The following KIF1A variants were observed in gnomAD, a reference collection of about 807,000 sequenced individuals.
KIF1A encodes the protein kinesin family member 1A, also known as kinesin-like protein KIF1A.
A neutral mutation model predicts 227.3 loss-of-function variants in KIF1A; 46 were observed. The observed-to-expected ratio is 0.20, with a 90% CI of 0.16 to 0.26. The LOEUF is 0.26. Ranked by LOEUF, KIF1A falls within the 10% of genes least tolerant of loss-of-function variation. KIF1A has a pLI of 1.00. For missense variants in KIF1A, 1,683 were observed against 2,485.9 expected (o/e 0.68, Z 6.87); for synonymous variants, 1,022 against 1,012.8 (o/e 1.01, Z -0.17).
intron 10 of KIF1A, among the ~76,000 whole-genome samples, chr2:240,779,758 T>G (rs1379057038): frequency 1.3e-5 from 2 of 151,790 alleles, no homozygotes; most frequent in Admixed American, 6.5e-5. Flanking sequence ...TTCCTCATAG[T>G]TCCCCACAGT....
intron 1 of KIF1A, among the ~76,000 whole-genome samples, chr2:240,807,242 T>C (rs1322900554): frequency 6.6e-6 from 1 of 151,278 alleles, no homozygotes; most frequent in Non-Finnish European, 1.5e-5. Context: ...GCCTCCCGGG[T>C]TCAAGCGATT....
At chr2:240,747,024 T>C (rs775240503) in intron 29 of KIF1A, among the ~76,000 whole-genome samples, 16 of 152,000 alleles carry the variant, frequency 1.1e-4, no homozygotes, top group Non-Finnish European at 1.6e-4. Flanking sequence ...TGGTGGGAGA[T>C]GGGCGGATCC....
At chr2:240,808,123 A>G (rs967582092) in intron 1 of KIF1A, among the ~76,000 whole-genome samples, 9 of 152,230 alleles carry the variant, frequency 5.9e-5, no homozygotes, top group Non-Finnish European at 1.3e-4. Context: ...ACTTCTATTT[A>G]ACATTGTAGG....
chr2:240,811,984 G>C (rs142489347), intron 1 of KIF1A, among the ~76,000 whole-genome samples: 3 of 152,104 alleles, frequency 2.0e-5, no homozygotes. Context: ...ATGGCCAGCC[G>C]GCTGTGATGA....
chr2:240,780,810 A>ACACACACACACACACACACAGCTC (rs2053619699), intron 10 of KIF1A, among the ~76,000 whole-genome samples: 1 of 90,230 alleles, frequency 1.1e-5, no homozygotes, highest in Admixed American at 1.0e-4. Flanking sequence ...ACACACACAC[A>ACACACACACACACACACACAGCTC]CACACACACA....
At chr2:240,780,249 A>G (rs1275303487) in intron 10 of KIF1A, among the ~76,000 whole-genome samples, 3 of 151,680 alleles carry the variant, frequency 2.0e-5, no homozygotes, top group Non-Finnish European at 4.4e-5. Context: ...GAGCAGCTGC[A>G]TGGCTCCTCG....
chr2:240,760,408 C>A (rs1017490573), intron 25 of KIF1A, among the ~76,000 whole-genome samples: 8 of 152,270 alleles, frequency 5.3e-5, no homozygotes, highest in Admixed American at 1.3e-4. Flanking sequence ...GCATTCCCCT[C>A]ATCTGTCCTT....
In KIF1A at chr2:240,803,243, G is replaced by T. The variant is rs2057119301; in HGVS notation, c.-60-5431C>A. Among the ~76,000 whole-genome samples, 4 of 152,254 alleles carry T rather than the reference G, an allele frequency of 2.6e-5. No individual in the cohort carries two copies. In the South Asian group the frequency reaches 8.3e-4, roughly 31 times the overall value. On this transcript the variant is annotated intron_variant, in intron 1 of 48. Coordinates refer to ENST00000498729, the MANE Select transcript of KIF1A (RefSeq NM_001244008.2). ...TCAAAGCTGTGGCAAAGGTCCTGCG[G>T]AAGGTAGCTAAAGCCGGACTGACGA...
At chr2:240,729,595 G>A (rs564658200) in intron 38 of KIF1A, among the ~76,000 whole-genome samples, 64 of 152,210 alleles carry the variant, frequency 4.2e-4, no homozygotes, top group Admixed American at 1.0e-3. Context: ...AGTGGACTCT[G>A]CTGGAGCCAG....
chr2:240,794,189 C>A (rs2056093343), intron 2 of KIF1A, among the ~76,000 whole-genome samples: 1 of 152,232 alleles, frequency 6.6e-6, no homozygotes, highest in Admixed American at 6.5e-5. Context: ...CTGCGCCAGG[C>A]CTAGGGGACA....
Position 240,788,678 on chromosome 2 carries a change from G to A in KIF1A, c.184-448C>T, listed in dbSNP as rs781478281. Among the ~76,000 whole-genome samples, 44 of 152,242 alleles carry A rather than the reference G, an allele frequency of 2.9e-4. No individual in the cohort carries two copies. The highest frequency in any genetic ancestry group is 2.0e-3 in the Admixed American group (31 of 15,304). On this transcript the variant is annotated intron_variant, in intron 3 of 48. Coordinates refer to ENST00000498729, the MANE Select transcript of KIF1A (RefSeq NM_001244008.2). This position sits in a 1 kb window ranked among gnomAD's most constrained non-coding sequence, Gnocchi z 6.6. ...GCAGGGGGACAGGGTGATTAGCTGG[G>A]GGTCATCCTGGAAGGAGGAAGGACT...
intron 27 of KIF1A, among the ~76,000 whole-genome samples, chr2:240,755,514 C>T (rs1036838837): frequency 5.9e-5 from 9 of 152,166 alleles, no homozygotes; most frequent in African/African-American, 2.2e-4. Flanking sequence ...GGAAAATCAA[C>T]GAGGGGCCTT....
At chr2:240,779,400 T>C (rs2053265463) in intron 10 of KIF1A, among the ~76,000 whole-genome samples, 1 of 144,538 alleles carries the variant, frequency 6.9e-6, no homozygotes, top group Admixed American at 6.8e-5. Flanking sequence ...CCACACTCAG[T>C]TCCTCATCGT....
intron 2 of KIF1A, among the ~76,000 whole-genome samples, chr2:240,794,477 C>T (rs945075343): frequency 6.6e-6 from 1 of 152,186 alleles, no homozygotes; most frequent in Non-Finnish European, 1.5e-5. Flanking sequence ...CTGACCTTTG[C>T]CCCCTTCCCC....
At position 240,792,586 on chromosome 2, in the gene KIF1A, A is replaced by G. The variant is rs575602611; in HGVS notation, c.107-3274T>C. ...GGGGGACGGGAAAGGAATGGAATAC[A>G]GCCGTTTTCTCAGAGTCTCAGCTTT... On this transcript the variant is annotated intron_variant, in intron 2 of 48. Coordinates refer to ENST00000498729, the MANE Select transcript of KIF1A (RefSeq NM_001244008.2). This position sits in a 1 kb window ranked among gnomAD's most constrained non-coding sequence, Gnocchi z 4.5. Among the ~76,000 whole-genome samples, 2 of 152,182 alleles carry G rather than the reference A, an allele frequency of 1.3e-5. No individual in the cohort carries two copies. Among genetic ancestry groups the G allele is most frequent in the South Asian group, 4.1e-4 (2 of 4,820 alleles).
At chr2:240,746,291 C>A (rs1416322299) in intron 29 of KIF1A, 114 bp from the exon 30 acceptor site, 3 of 1,265,788 alleles carry the variant, frequency 2.4e-6, no homozygotes, top group African/African-American at 1.5e-5. Context: ...TGGGCTGGGG[C>A]CTCCATGAAC....
chr2:240,760,815 T>C lies in KIF1A; in HGVS notation c.2294A>G (p.Asp765Gly), dbSNP rs2125890668. The stretch of plus-strand genomic sequence containing the variant: ...GGGTGGCAGAGGGGAGTAGAGTGTG[T>C]CCGTCAGGAGGACAAACTGGAATTG... ...KVQFQFVLLT[D>G]TLYSPLPPDL... Residue 765 changes from aspartate (D) to glycine (G), a missense_variant, in exon 25 of 49, where the codon GAC (aspartate) becomes GGC (glycine). Asp to Gly is a moderately conservative substitution (Grantham distance 94). This residue lies in a region of KIF1A where 217 missense variants were observed against 427.0 expected (regional missense o/e 0.51). Transcript: ENST00000498729. 4 of 1,608,116 alleles carry C rather than the reference T, an allele frequency of 2.5e-6. No individual in the cohort carries two copies. Among genetic ancestry groups the C allele is most frequent in the Non-Finnish European group, 3.4e-6 (4 of 1,177,896 alleles).
intron 23 of KIF1A, 94 bp downstream of exon 23, chr2:240,762,625 G>A (rs2050668802): frequency 1.2e-5 from 17 of 1,396,318 alleles, no homozygotes; most frequent in Non-Finnish European, 1.6e-5. Context: ...GGGCAAAAGT[G>A]CTGACCAGTG....
In KIF1A at chr2:240,745,469, G is replaced by A. The variant is rs372325418; in HGVS notation, c.3423C>T (p.Asn1141=). 3.1e-6 allele frequency: 5 copies of A among 1,613,766 alleles called. No individual in the cohort carries two copies. The highest frequency in any genetic ancestry group is 1.1e-5 in the South Asian group (1 of 91,062). Residue 1141 remains asparagine (N), a synonymous_variant, in exon 32 of 49, where the codon AAC becomes AAT. Transcript: ENST00000498729. ...AGCCAAGTGGGGGGCCTCTGCCTGT[G>A]TTCTTCAGGGGCTCTGTGGAGAAGG... The part of the protein sequence containing the change: ...DEAFSTEPLK[N]TGRGPPLGFY...
Sources: allele counts gnomAD v4.1 joint callset (sites outside exome capture counted in the v4.1 genomes callset), GRCh38; gene constraint gnomAD v4.1.1; regional missense constraint gnomAD v4.1.1; non-coding constraint Gnocchi (gnomAD v3.1); transcripts MANE v1.5; gene names NCBI Gene and HGNC (gene_info 2026-07-23, HGNC 2026-07-21).